TUBB3: variants seen among roughly 807,000 people sequenced by gnomAD.
The protein encoded by TUBB3 is tubulin beta-3 chain.
A neutral mutation model predicts 37.8 loss-of-function variants in TUBB3; 17 were observed. The observed-to-expected ratio is 0.45, with a 90% CI of 0.31 to 0.67. The LOEUF is 0.67. TUBB3 is among the 30% of genes least tolerant of loss of function. The probability of loss-of-function intolerance (pLI) is 0.07; values close to 1 mark genes in which losing one functional copy is unlikely to be tolerated. For synonymous variants in TUBB3, 332 were observed against 278.9 expected, an observed-to-expected ratio of 1.19 and a Z score of -1.90; for missense variants, 262 against 657.9, an observed-to-expected ratio of 0.40 and a Z score of 6.58.
chr16:89,934,593 C>T (rs2030388831), intron 3 of TUBB3, 136 bp from the exon 4 acceptor site: 3 of 859,636 alleles, frequency 3.5e-6, no homozygotes, highest in Non-Finnish European at 5.6e-6. Context: ...AAGGGGTGCT[C>T]AGTGGGGCCT....
chr16:89,928,507 C>G (rs1443460893), intron 1 of TUBB3, among the ~76,000 whole-genome samples: 7 of 150,360 alleles, frequency 4.7e-5, no homozygotes, highest in Non-Finnish European at 1.0e-4. Context: ...TACAGGCACC[C>G]GTCACCACAC....
chr16:89,927,400 C>T (rs1193574963), intron 1 of TUBB3, among the ~76,000 whole-genome samples: 1 of 151,150 alleles, frequency 6.6e-6, no homozygotes, highest in Non-Finnish European at 1.5e-5. Flanking sequence ...AAAAAAGGAA[C>T]AATATATTTT....
In TUBB3 at chr16:89,935,600, G is replaced by A. The variant is rs2151093084; in HGVS notation, c.1149G>A (p.Glu383=). The change falls in exon 4 of 4, where the codon GAG becomes GAA. Residue 383 remains glutamate, a synonymous_variant. Transcript: ENST00000315491. The part of the protein sequence containing the change: ...AIQELFKRIS[E]QFTAMFRRKA... ...AGGAGCTGTTCAAGCGCATCTCCGA[G>A]CAGTTCACGGCCATGTTCCGGCGCA... 1 of 1,613,940 alleles carries A rather than the reference G, an allele frequency of 6.2e-7. No homozygotes were observed. Among genetic ancestry groups the A allele is most frequent in the Non-Finnish European group, 8.5e-7 (1 of 1,179,998 alleles).
intron 1 of TUBB3, among the ~76,000 whole-genome samples, chr16:89,931,130 T>C (rs561928147): frequency 1.3e-5 from 2 of 152,286 alleles, no homozygotes; most frequent in African/African-American, 4.8e-5. Flanking sequence ...CCTGGCCTAC[T>C]AGAGGCATCT....
At chr16:89,931,005 C>G (rs113396319) in intron 1 of TUBB3, among the ~76,000 whole-genome samples, 16 of 151,858 alleles carry the variant, frequency 1.1e-4, no homozygotes, top group African/African-American at 3.9e-4. Flanking sequence ...TTTTTTGTAT[C>G]TTTAGTAGAG....
Position 89,935,982 on chromosome 16 carries a change from C to T in TUBB3, c.*178C>T. 1.4e-6 allele frequency: 1 copy of T among 729,112 alleles called. No homozygotes were observed. 45.2% of individuals were successfully genotyped at this position (729,112 alleles called of 1,614,324 possible). ...CCCCACCTAGGCCACGTGTGAGCTG[C>T]TCCTGTCTCTGTCTTATTGCAGCTC... is the stretch of plus-strand genomic sequence containing the variant. On this transcript the variant is annotated 3_prime_UTR_variant, in exon 4 of 4. Coordinates refer to ENST00000315491, the MANE Select transcript of TUBB3 (RefSeq NM_006086.4).
chr16:89,923,318 A>G, upstream of TUBB3: 1 of 1,198,130 alleles, frequency 8.3e-7, no homozygotes, highest in South Asian at 2.0e-5. Flanking sequence ...CGGCTATAAG[A>G]GCGCGCGGCC....
chr16:89,928,560 T>C (rs2030167441), intron 1 of TUBB3, among the ~76,000 whole-genome samples: 1 of 151,430 alleles, frequency 6.6e-6, no homozygotes, highest in Non-Finnish European at 1.5e-5. Context: ...AGTCTCTATC[T>C]GTTGCCCAGG....
intron 1 of TUBB3, chr16:89,932,161 G>A (rs920792687): frequency 1.8e-5 from 6 of 325,758 alleles, no homozygotes; most frequent in African/African-American, 1.1e-4. Flanking sequence ...GCCAGCTACT[G>A]TGGGTGTCTC....
upstream of TUBB3, chr16:89,921,980 C>T (rs1321065625): frequency 6.6e-6 from 1 of 152,474 alleles, no homozygotes; most frequent in East Asian, 1.9e-4. Context: ...TGCAAAACTT[C>T]TTCCCTCGTG....
chr16:89,923,375 C>T lies in TUBB3; in HGVS notation c.-27C>T, dbSNP rs763288124. 12 of 1,454,862 alleles carry T rather than the reference C, an allele frequency of 8.2e-6. No homozygotes were observed. Among genetic ancestry groups the T allele is most frequent in the East Asian group, 6.3e-5 (2 of 31,640 alleles). 90.1% of individuals were successfully genotyped at this position (1,454,862 alleles called of 1,614,324 possible). A position where few individuals can be genotyped will look rare whatever the true frequency, so the allele number is the denominator to read the frequency against. ...CCAGCCCGGCCCGCCCGCGCCCGTCCGCAGCCGCCCGCCAGACGCGCCCAG... is the reference window on the plus strand; with the variant it reads ...CCAGCCCGGCCCGCCCGCGCCCGTCTGCAGCCGCCCGCCAGACGCGCCCAG... On this transcript the variant is annotated 5_prime_UTR_variant, in exon 1 of 4. Transcript: ENST00000315491.
At chr16:89,933,729 C>CCTCCA in intron 3 of TUBB3, 151 bp downstream of exon 3, 1 of 743,326 alleles carries the variant, frequency 1.3e-6, no homozygotes, top group Non-Finnish European at 2.4e-6. Context: ...TACAGCTGGG[C>CCTCCA]ATTGGAGGCC....
Position 89,936,019 on chromosome 16 carries a change from T to A in TUBB3, c.*215T>A. The A allele has an allele frequency of 1.6e-6, 1 of 631,224 alleles. No homozygotes were observed. Among genetic ancestry groups the A allele is most frequent in the Non-Finnish European group, 2.7e-6 (1 of 365,894 alleles). 39.1% of individuals were successfully genotyped at this position (631,224 alleles called of 1,614,324 possible). A position where few individuals can be genotyped will look rare whatever the true frequency, so the allele number is the denominator to read the frequency against. On this transcript the variant is annotated 3_prime_UTR_variant, in exon 4 of 4. Coordinates refer to ENST00000315491, the MANE Select transcript of TUBB3 (RefSeq NM_006086.4). ...TCTTATTGCAGCTCCAGGCCTGACG[T>A]TTTACGGTTTTGTTTTTTACTGGTT...
At chr16:89,926,380 C>G (rs969950483) in intron 1 of TUBB3, among the ~76,000 whole-genome samples, 9 of 152,258 alleles carry the variant, frequency 5.9e-5, no homozygotes, top group Non-Finnish European at 7.3e-5. Context: ...GCATTCGGGT[C>G]CTGGAGGGGC....
At chr16:89,926,958 T>G (rs1405136164) in intron 1 of TUBB3, among the ~76,000 whole-genome samples, 1 of 150,384 alleles carries the variant, frequency 6.6e-6, no homozygotes, top group Non-Finnish European at 1.5e-5. Flanking sequence ...CTCAGGTGAT[T>G]CACCTGCCTC....
At chr16:89,932,526 G>A in intron 1 of TUBB3, 45 bp from the exon 2 acceptor site, 2 of 1,534,396 alleles carry the variant, frequency 1.3e-6, no homozygotes, top group Non-Finnish European at 1.8e-6. Flanking sequence ...GCCTGGCTGG[G>A]GCTATGGGCC....
intron 2 of TUBB3, 136 bp downstream of exon 2, chr16:89,932,815 C>G: frequency 1.4e-6 from 1 of 728,054 alleles, no homozygotes; most frequent in South Asian, 1.5e-5. Flanking sequence ...GGCTGAGATG[C>G]CAGCAGGCGT....
At chr16:89,931,568 C>T (rs959099589) in intron 1 of TUBB3, 1 of 153,004 alleles carries the variant, frequency 6.5e-6, no homozygotes, top group Middle Eastern at 1.8e-3. Flanking sequence ...TGTGGTTCTC[C>T]GTGTGCACAC....
Position 89,936,012 on chromosome 16 carries a change from C to T in TUBB3, c.*208C>T. ...GTCTCTGTCTTATTGCAGCTCCAGG[C>T]CTGACGTTTTACGGTTTTGTTTTTT... is the stretch of plus-strand genomic sequence containing the variant. On this transcript the variant is annotated 3_prime_UTR_variant, in exon 4 of 4. Transcript: ENST00000315491. 1.6e-6 allele frequency: 1 copy of T among 645,058 alleles called. No individual in the cohort carries two copies. 40.0% of individuals were successfully genotyped at this position (645,058 alleles called of 1,614,324 possible).
Sources: gnomAD v4.1 joint callset for allele counts (sites outside exome capture counted in the v4.1 genomes callset) on GRCh38, gnomAD v4.1.1 for gene constraint, MANE v1.5 for transcripts, NCBI Gene and HGNC (gene_info 2026-07-23, HGNC 2026-07-21) for gene names.